RTN1: variants seen among roughly 807,000 people sequenced by gnomAD.
The protein encoded by RTN1 is reticulon-1.
RTN1 carries 25 observed loss-of-function variants against 65.5 expected under a neutral mutation model. The observed-to-expected ratio is 0.38, with a 90% CI of 0.28 to 0.53. The LOEUF is 0.53. Among genes scored for constraint, RTN1 ranks in the 20% least tolerant of loss-of-function variants. The pLI is 0.79. For missense variants in RTN1, 983 were observed against 1,025.4 expected (o/e 0.96, Z 0.57); for synonymous variants, 471 against 447.6 (o/e 1.05, Z -0.66).
At chr14:59,715,171 A>G (rs889643111) in intron 3 of RTN1, among the ~76,000 whole-genome samples, 7 of 152,216 alleles carry the variant, frequency 4.6e-5, no homozygotes, top group African/African-American at 1.7e-4. Context: ...GACAAAACTT[A>G]ATAGTTCAGG....
chr14:59,838,523 G>T (rs563014481), intron 1 of RTN1, among the ~76,000 whole-genome samples: 184 of 152,198 alleles, frequency 1.2e-3, no homozygotes, highest in African/African-American at 4.3e-3. Context: ...GGAATACTAG[G>T]CAGACTTTAA....
intron 1 of RTN1, among the ~76,000 whole-genome samples, chr14:59,864,927 C>A: frequency 6.6e-6 from 1 of 152,034 alleles, no homozygotes; most frequent in Admixed American, 6.6e-5. Context: ...CGCAATGCTA[C>A]CCTGTAGCAT....
chr14:59,733,086 T>C (rs1378158398), intron 2 of RTN1, among the ~76,000 whole-genome samples: 1 of 150,104 alleles, frequency 6.7e-6, no homozygotes, highest in Non-Finnish European at 1.5e-5. Context: ...CTGCTTTTTT[T>C]TTTTTTCTTT....
chr14:59,684,895 C>T (rs1432919164), intron 3 of RTN1, among the ~76,000 whole-genome samples: 3 of 151,970 alleles, frequency 2.0e-5, no homozygotes, highest in Admixed American at 6.6e-5. Flanking sequence ...AAATATAATA[C>T]GTGCCTGATT....
At chr14:59,753,552 G>T (rs1003835358) in intron 1 of RTN1, among the ~76,000 whole-genome samples, 2 of 152,152 alleles carry the variant, frequency 1.3e-5, no homozygotes, top group Admixed American at 6.5e-5. Context: ...CTAACTTATT[G>T]AATTTAAAAA....
intron 3 of RTN1, among the ~76,000 whole-genome samples, chr14:59,670,095 C>A (rs79573963): frequency 0.018 from 2,705 of 152,226 alleles, 72 homozygotes; most frequent in African/African-American, 0.061. Context: ...ATCAACATAA[C>A]AGAAACATTC....
chr14:59,852,509 T>C (rs954996098), intron 1 of RTN1, among the ~76,000 whole-genome samples: 2 of 152,210 alleles, frequency 1.3e-5, no homozygotes, highest in Admixed American at 1.3e-4. Context: ...CTACTTAAAA[T>C]ACCATTTGGT....
chr14:59,617,126 T>G (rs921689891), intron 3 of RTN1, among the ~76,000 whole-genome samples: 1 of 152,226 alleles, frequency 6.6e-6, no homozygotes, highest in African/African-American at 2.4e-5. Context: ...TACCAAGGCT[T>G]TAAGTGAAAT....
chr14:59,764,723 A>G (rs188127682), intron 1 of RTN1, among the ~76,000 whole-genome samples: 21 of 152,330 alleles, frequency 1.4e-4, no homozygotes, highest in Admixed American at 1.0e-3. Context: ...ATTCCTCAGG[A>G]AACAACAACA....
At chr14:59,643,295 G>A (rs991162036) in intron 3 of RTN1, among the ~76,000 whole-genome samples, 5 of 152,154 alleles carry the variant, frequency 3.3e-5, no homozygotes, top group Non-Finnish European at 5.9e-5. Context: ...TGTAGTCCTA[G>A]CTATTTGGGA....
chr14:59,624,616 C>G (rs1279969148), intron 3 of RTN1, among the ~76,000 whole-genome samples: 1 of 152,086 alleles, frequency 6.6e-6, no homozygotes, highest in Non-Finnish European at 1.5e-5. Context: ...CGTGTGCCAC[C>G]ACGCCTGACT....
chr14:59,841,251 AG>A (rs1887305861), intron 1 of RTN1, among the ~76,000 whole-genome samples: 1 of 152,242 alleles, frequency 6.6e-6, no homozygotes, highest in Admixed American at 6.5e-5. Context: ...TTAACTGAAA[AG>A]ACAGAAGATG....
At chr14:59,665,730 T>C (rs982443225) in intron 3 of RTN1, among the ~76,000 whole-genome samples, 4 of 151,726 alleles carry the variant, frequency 2.6e-5, no homozygotes, top group Admixed American at 6.6e-5. Context: ...AAGCTTAAAA[T>C]AAAGGGATGG....
At chr14:59,692,786 A>C (rs1418608193) in intron 3 of RTN1, among the ~76,000 whole-genome samples, 1 of 152,210 alleles carries the variant, frequency 6.6e-6, no homozygotes, top group Non-Finnish European at 1.5e-5. Context: ...ATATTCAACA[A>C]GGTTGATATA....
At position 59,816,397 on chromosome 14, in the gene RTN1, T is replaced by A. The variant is rs1886822269; in HGVS notation, c.241+53993A>T. On this transcript the variant is annotated intron_variant, in intron 1 of 8. Transcript: ENST00000267484. The surrounding 1 kb of genome is among the most constrained non-coding windows in gnomAD (Gnocchi z 4.3). Reference sequence around the variant, plus strand: ...GTTGACCATATGGTAACAAGGCTAATTGCCTGCCTTCTCCAATCCTCGGAG... The same window carrying A: ...GTTGACCATATGGTAACAAGGCTAAATGCCTGCCTTCTCCAATCCTCGGAG... Among the ~76,000 whole-genome samples, 2 of 152,170 alleles carry A rather than the reference T, an allele frequency of 1.3e-5. No homozygotes were observed. Among genetic ancestry groups the A allele is most frequent in the African/African-American group, 4.8e-5 (2 of 41,432 alleles).
Position 59,727,276 on chromosome 14 carries a change from A to C in RTN1, c.1408T>G (p.Ser470Ala), listed in dbSNP as rs1566700984. The change falls in exon 3 of 9, where the codon TCG becomes GCG. Residue 470 changes from serine (S) to alanine (A), a missense_variant. Ser to Ala is a moderately conservative substitution (Grantham distance 99). Transcript: ENST00000267484. This position sits in a 1 kb window ranked among gnomAD's most constrained non-coding sequence, Gnocchi z 4.2. ...TCCGAGGCCGAGGAGGCGTCGCACG[A>C]CTCGATGATGAGCTCGCTGTCCAGC... is the stretch of plus-strand genomic sequence containing the variant. ...AELDSELIIE[S>A]CDASSASEES... 3 of 1,506,030 alleles carry C rather than the reference A, an allele frequency of 2.0e-6. No individual in the cohort carries two copies. Among genetic ancestry groups the C allele is most frequent in the South Asian group, 2.6e-5 (2 of 76,428 alleles). 93.3% of individuals were successfully genotyped at this position (1,506,030 alleles called of 1,614,324 possible).
chr14:59,847,662 T>C (rs955127255), intron 1 of RTN1, among the ~76,000 whole-genome samples: 12 of 152,190 alleles, frequency 7.9e-5, no homozygotes, highest in Admixed American at 7.2e-4. Context: ...ACAAAAGGAA[T>C]ACAAAGAACA....
intron 1 of RTN1, among the ~76,000 whole-genome samples, chr14:59,845,038 A>G (rs1435586237): frequency 6.6e-6 from 1 of 152,232 alleles, no homozygotes; most frequent in Non-Finnish European, 1.5e-5. Context: ...GTGCTAATAA[A>G]GTAAAATCTA....
At chr14:59,780,960 C>T (rs1222014809) in intron 1 of RTN1, among the ~76,000 whole-genome samples, 2 of 152,208 alleles carry the variant, frequency 1.3e-5, no homozygotes, top group Non-Finnish European at 2.9e-5. Flanking sequence ...AGTACTATCA[C>T]TGGATGCCAC....
Sources: gnomAD v4.1 joint callset for allele counts (sites outside exome capture counted in the v4.1 genomes callset) on GRCh38, gnomAD v4.1.1 for gene constraint, Gnocchi (gnomAD v3.1) non-coding constraint, MANE v1.5 for transcripts, NCBI Gene and HGNC (gene_info 2026-07-23, HGNC 2026-07-21) for gene names.